TLR2: variants seen among roughly 807,000 people sequenced by gnomAD.
TLR2 encodes toll-like receptor 2.
Under a neutral mutation model 9.1 loss-of-function variants are expected in TLR2, and 7 were observed. The ratio of observed to expected loss-of-function variants is 0.77; its 90% CI spans 0.44 to 1.44. The LOEUF (loss-of-function observed/expected upper bound fraction) is 1.44. Ranked by LOEUF, TLR2 falls within the 40% of genes most tolerant of loss-of-function variation. The pLI is 0.01. For synonymous variants in TLR2, 317 were observed against 344.6 expected (o/e 0.92, Z 0.89); for missense variants, 812 against 904.6 (o/e 0.90, Z 1.31).
intron 2 of TLR2, among the ~76,000 whole-genome samples, chr4:153,689,779 C>T (rs868769476): frequency 6.6e-6 from 1 of 152,190 alleles, no homozygotes; most frequent in Non-Finnish European, 1.5e-5. Flanking sequence ...GTGATCACTG[C>T]TATCATAGCT....
At chr4:153,688,137 A>G (rs1282345683) in intron 2 of TLR2, 90 bp downstream of exon 2, 2 of 152,152 alleles carry the variant, frequency 1.3e-5, no homozygotes, top group African/African-American at 4.8e-5. Context: ...TTGGCTCCAG[A>G]ATTGGATTGG....
At chr4:153,710,613 G>T (rs1737504527), downstream of TLR2, 28 of 941,864 alleles carry the variant, frequency 3.0e-5, no homozygotes, top group Non-Finnish European at 4.4e-5. Flanking sequence ...AATTCTATGT[G>T]CTCAATTAAA....
downstream of TLR2, among the ~76,000 whole-genome samples, chr4:153,707,516 C>T (rs758530723): frequency 6.6e-6 from 1 of 151,652 alleles, no homozygotes; most frequent in Non-Finnish European, 1.5e-5. Flanking sequence ...CACCACTGCA[C>T]TCCAGCCTGG....
At chr4:153,692,217 C>T (rs1218986284) in intron 2 of TLR2, among the ~76,000 whole-genome samples, 3 of 152,106 alleles carry the variant, frequency 2.0e-5, no homozygotes, top group Non-Finnish European at 2.9e-5. Flanking sequence ...CTATTAAAGG[C>T]CAATTTTTTG....
chr4:153,689,768 G>A (rs1056629579), intron 2 of TLR2, among the ~76,000 whole-genome samples: 2 of 152,210 alleles, frequency 1.3e-5, no homozygotes, highest in African/African-American at 2.4e-5. Flanking sequence ...TAATGGCAAT[G>A]GTGATCACTG....
At chr4:153,700,178 A>G (rs1736786070) in intron 2 of TLR2, among the ~76,000 whole-genome samples, 1 of 152,172 alleles carries the variant, frequency 6.6e-6, no homozygotes, top group African/African-American at 2.4e-5. Flanking sequence ...TACCATGAAG[A>G]GCACACCAAG....
intron 2 of TLR2, among the ~76,000 whole-genome samples, chr4:153,690,303 A>G (rs752623847): frequency 2.0e-5 from 3 of 152,136 alleles, no homozygotes; most frequent in Non-Finnish European, 4.4e-5. Context: ...TTGCTTTTGC[A>G]ACTGCTGTTT....
intron 2 of TLR2, among the ~76,000 whole-genome samples, chr4:153,689,832 A>G (rs1017666139): frequency 2.0e-5 from 3 of 152,198 alleles, no homozygotes; most frequent in Admixed American, 6.5e-5. Context: ...CACTTTCCTC[A>G]GGTTTTCTTC....
At chr4:153,685,497 G>T (rs1464840592) in intron 1 of TLR2, among the ~76,000 whole-genome samples, 4 of 152,070 alleles carry the variant, frequency 2.6e-5, no homozygotes, top group Non-Finnish European at 5.9e-5. Context: ...GACTTGAAGG[G>T]ACAGACCAAA....
intron 2 of TLR2, chr4:153,688,544 A>G (rs1735875207): frequency 6.6e-6 from 1 of 152,404 alleles, no homozygotes; most frequent in Admixed American, 6.5e-5. Context: ...AGTGATAAGC[A>G]TTATCGCTAT....
chr4:153,699,419 G>A (rs1321566392), intron 2 of TLR2, among the ~76,000 whole-genome samples: 1 of 152,152 alleles, frequency 6.6e-6, no homozygotes, highest in Non-Finnish European at 1.5e-5. Context: ...CTCTAAATGG[G>A]CATCTTTTGT....
intron 1 of TLR2, among the ~76,000 whole-genome samples, chr4:153,685,829 G>A (rs1409419152): frequency 6.6e-6 from 1 of 152,162 alleles, no homozygotes; most frequent in African/African-American, 2.4e-5. Flanking sequence ...AAACAAATGG[G>A]ACAAGAATAA....
At chr4:153,690,396 GA>G (rs1355000746) in intron 2 of TLR2, among the ~76,000 whole-genome samples, 1 of 152,236 alleles carries the variant, frequency 6.6e-6, no homozygotes, top group African/African-American at 2.4e-5. Flanking sequence ...ATTCCATATA[GA>G]GAAAAATGTA....
At chr4:153,694,471 T>C (rs1187663643) in intron 2 of TLR2, among the ~76,000 whole-genome samples, 1 of 152,240 alleles carries the variant, frequency 6.6e-6, no homozygotes, top group Non-Finnish European at 1.5e-5. Flanking sequence ...AGGCACATAT[T>C]TTTTAAAGCT....
chr4:153,710,355 T>TG, downstream of TLR2: 1 of 1,544,856 alleles, frequency 6.5e-7, no homozygotes, highest in Non-Finnish European at 8.8e-7. Context: ...ATGTTGCTTC[T>TG]GGGGTCTGCT....
At position 153,691,554 on chromosome 4, in the gene TLR2, G is replaced by A. The variant is rs757939597; in HGVS notation, c.-17+3507G>A. Among the ~76,000 whole-genome samples, 30 of 152,018 alleles carry A rather than the reference G, an allele frequency of 2.0e-4. 1 individual carries two copies. The highest frequency in any genetic ancestry group is 3.3e-4 in the Admixed American group (5 of 15,262). The stretch of plus-strand genomic sequence containing the variant: ...GAGTTGGAAAAATTAGCAAATCTAG[G>A]GTCTTTTTTGGATCTATTCTATTTA... On this transcript the variant is annotated intron_variant, in intron 2 of 2. Coordinates refer to ENST00000642700, the MANE Select transcript of TLR2 (RefSeq NM_001318789.2).
Position 153,704,813 on chromosome 4 carries a change from A to C in TLR2, c.1906A>C (p.Ser636Arg), listed in dbSNP as rs137853177. 294 of 1,613,992 alleles carry C rather than the reference A, an allele frequency of 1.8e-4. No individual in the cohort carries two copies. The African/African-American group carries it at 3.4e-3, about 19-fold the overall frequency. The stretch of plus-strand genomic sequence containing the variant: ...CAAAAGGAAGCCCAGGAAAGCTCCC[A>C]GCAGGAACATCTGCTATGATGCATT... Reference protein sequence around the residue: ...QAKRKPRKAPSRNICYDAFVS... With the variant: ...QAKRKPRKAPRRNICYDAFVS... The change falls in exon 3 of 3, where the codon AGC becomes CGC. Residue 636 changes from serine (S) to arginine (R), a missense_variant. Coordinates refer to ENST00000642700, the MANE Select transcript of TLR2 (RefSeq NM_001318789.2).
At position 153,703,772 on chromosome 4, in the gene TLR2, C is replaced by G. The variant is rs780473983; in HGVS notation, c.865C>G (p.Leu289Val). ...LLELEFDDCT[L>V]NGVGNFRASD... The stretch of plus-strand genomic sequence containing the variant: ...AGAATTAGAGTTTGATGACTGTACC[C>G]TTAATGGAGTTGGTAATTTTAGAGC... Residue 289 changes from leucine (L) to valine (V), a missense_variant, in exon 3 of 3, where the codon CTT becomes GTT. Leu to Val is a conservative substitution (Grantham distance 32). Coordinates refer to ENST00000642700, the MANE Select transcript of TLR2 (RefSeq NM_001318789.2). The G allele has an allele frequency of 1.1e-5, 18 of 1,613,890 alleles. No homozygotes were observed. In the East Asian group the frequency reaches 3.6e-4, roughly 32 times the overall value.
At chr4:153,686,682 C>T (rs1384190298) in intron 1 of TLR2, among the ~76,000 whole-genome samples, 1 of 152,006 alleles carries the variant, frequency 6.6e-6, no homozygotes, top group Non-Finnish European at 1.5e-5. Flanking sequence ...CTTATAACAA[C>T]ATTAAGAAAC....
Sources: gnomAD v4.1 joint callset for allele counts (sites outside exome capture counted in the v4.1 genomes callset) on GRCh38, gnomAD v4.1.1 for gene constraint, MANE v1.5 for transcripts, NCBI Gene and HGNC (gene_info 2026-07-23, HGNC 2026-07-21) for gene names.